USH2A: variants seen among roughly 807,000 people sequenced by gnomAD.
USH2A encodes the protein Usher syndrome 2A (autosomal recessive, mild).
A neutral mutation model predicts 538.9 loss-of-function variants in USH2A; 443 were observed. The ratio of observed to expected loss-of-function variants is 0.82; its 90% CI spans 0.76 to 0.89. The LOEUF (loss-of-function observed/expected upper bound fraction) is 0.89. Among genes scored for constraint, USH2A ranks in the 40% least tolerant of loss-of-function variants. USH2A has a pLI of 0.00. For synonymous variants in USH2A, 2,413 were observed against 2,273.5 expected (o/e 1.06, Z -1.75); for missense variants, 6,633 against 6,324.8 (o/e 1.05, Z -1.65).
chr1:215,641,541 TG>T (rs1372209262), intron 67 of USH2A, among the ~76,000 whole-genome samples: 1 of 152,210 alleles, frequency 6.6e-6, no homozygotes, highest in African/African-American at 2.4e-5. Context: ...GAATAATTTT[TG>T]TGGAAACAAA....
At chr1:216,089,597 A>G (rs2032245030) in intron 22 of USH2A, among the ~76,000 whole-genome samples, 3 of 152,104 alleles carry the variant, frequency 2.0e-5, no homozygotes, top group African/African-American at 7.2e-5. Context: ...AAAATTATCA[A>G]TAACAAATGG....
Position 215,943,312 on chromosome 1 carries a change from C to A in USH2A, c.7121-8517G>T, listed in dbSNP as rs528633634. 2.0e-5 allele frequency among the ~76,000 whole-genome samples: 3 copies of A among 151,970 alleles called. No homozygotes were observed. The South Asian group carries it at 6.2e-4, about 32-fold the overall frequency. ...GATATTGCAGAGACAGAGAAACAAT[C>A]TGGAAATTAAAAAATGCAGTAAGTA... On this transcript the variant is annotated intron_variant, in intron 37 of 71. Transcript: ENST00000307340.
intron 30 of USH2A, among the ~76,000 whole-genome samples, chr1:216,064,500 G>A (rs868225791): frequency 7.0e-6 from 1 of 143,316 alleles, no homozygotes; most frequent in Non-Finnish European, 1.5e-5. Context: ...GCTAGGGATT[G>A]TTTTTTTTTT....
chr1:215,932,601 T>C lies in USH2A; in HGVS notation c.7300+2015A>G, dbSNP rs1485600849. ...ACAACAATCTAATGAAAAAAGAAAG[T>C]ATGTCCTAATGGCCATAATAAACTT... On this transcript the variant is annotated intron_variant, in intron 38 of 71. Coordinates refer to ENST00000307340, the MANE Select transcript of USH2A (RefSeq NM_206933.4). Among the ~76,000 whole-genome samples the C allele has an allele frequency of 2.0e-5, 3 of 152,062 alleles. No homozygotes were observed. The East Asian group carries it at 5.8e-4, about 29-fold the overall frequency.
chr1:216,225,852 G>A (rs1297416841), intron 14 of USH2A, among the ~76,000 whole-genome samples: 4 of 152,084 alleles, frequency 2.6e-5, no homozygotes, highest in Admixed American at 2.0e-4. Context: ...TGAAATGCAC[G>A]AGGGACTTGC....
intron 56 of USH2A, 87 bp downstream of exon 56, chr1:215,766,594 T>C (rs540995519): frequency 1.6e-6 from 2 of 1,244,192 alleles, no homozygotes; most frequent in East Asian, 4.7e-5. Context: ...TGCCTCTTCC[T>C]TATTTGTTAT....
chr1:216,183,543 G>A (rs751297552), intron 20 of USH2A, among the ~76,000 whole-genome samples: 2 of 151,910 alleles, frequency 1.3e-5, no homozygotes, highest in Non-Finnish European at 2.9e-5. Context: ...GGCATATTGA[G>A]CTGACCATAT....
intron 4 of USH2A, among the ~76,000 whole-genome samples, chr1:216,343,644 A>G (rs1459917833): frequency 9.5e-6 from 1 of 104,830 alleles, no homozygotes; most frequent in African/African-American, 2.7e-5. Context: ...CAACCAAAAT[A>G]TGATAACAGC....
intron 43 of USH2A, among the ~76,000 whole-genome samples, chr1:215,867,378 C>A (rs765312205): frequency 1.3e-5 from 2 of 152,166 alleles, no homozygotes; most frequent in Non-Finnish European, 2.9e-5. Context: ...CCAGCATAAA[C>A]CAAAACATCA....
At chr1:216,242,802 CAT>C (rs1156531862) in intron 13 of USH2A, among the ~76,000 whole-genome samples, 1 of 152,080 alleles carries the variant, frequency 6.6e-6, no homozygotes, top group Non-Finnish European at 1.5e-5. Flanking sequence ...AAGAAAGAAA[CAT>C]AATTGAGTAG....
intron 4 of USH2A, among the ~76,000 whole-genome samples, chr1:216,336,442 G>C (rs902080122): frequency 2.6e-5 from 4 of 151,092 alleles, no homozygotes; most frequent in Non-Finnish European, 5.9e-5. Context: ...TTTCCATATT[G>C]AAAAAGTAGA....
At chr1:215,710,277 A>C (rs1659302375) in intron 61 of USH2A, among the ~76,000 whole-genome samples, 2 of 152,198 alleles carry the variant, frequency 1.3e-5, no homozygotes, top group South Asian at 4.1e-4. Context: ...ATGAAAGATG[A>C]GGGCTGCCCA....
At chr1:216,100,324 C>A (rs566836908) in intron 21 of USH2A, among the ~76,000 whole-genome samples, 2 of 152,098 alleles carry the variant, frequency 1.3e-5, no homozygotes, top group Non-Finnish European at 2.9e-5. Context: ...AATTAATTAT[C>A]AGGGTAGACC....
chr1:216,415,523 T>TTTTTTTTTTTG (rs2039563187), intron 3 of USH2A, among the ~76,000 whole-genome samples: 1 of 148,006 alleles, frequency 6.8e-6, no homozygotes, highest in African/African-American at 2.5e-5. Flanking sequence ...TTTTTTTTTT[T>TTTTTTTTTTTG]TTTTTTTTTT....
At chr1:215,783,130 G>C (rs1211010697) in intron 52 of USH2A, among the ~76,000 whole-genome samples, 195 bp from the exon 53 acceptor site, 1 of 151,886 alleles carries the variant, frequency 6.6e-6, no homozygotes, top group Non-Finnish European at 1.5e-5. Flanking sequence ...TAGATGCAGG[G>C]ATACGGAATT....
chr1:215,889,627 C>T lies in USH2A; in HGVS notation c.7595-573G>A, dbSNP rs556107127. 3.9e-5 allele frequency among the ~76,000 whole-genome samples: 6 copies of T among 152,170 alleles called. No homozygotes were observed. In the South Asian group the frequency reaches 1.0e-3, roughly 26 times the overall value. ...TTACTGTGGCTGTGACAGAAGCTGC[C>T]GATTTAGCTCTTTCACCTACTGATA... On this transcript the variant is annotated intron_variant, in intron 40 of 71. Coordinates refer to ENST00000307340, the MANE Select transcript of USH2A (RefSeq NM_206933.4).
chr1:215,757,210 A>G (rs1013433883), intron 58 of USH2A, among the ~76,000 whole-genome samples: 1 of 152,204 alleles, frequency 6.6e-6, no homozygotes, highest in African/African-American at 2.4e-5. Flanking sequence ...TGTACATTTA[A>G]TATCTTAGAG....
intron 35 of USH2A, among the ~76,000 whole-genome samples, chr1:215,971,347 C>A (rs1375506879): frequency 6.6e-6 from 1 of 152,154 alleles, no homozygotes; most frequent in African/African-American, 2.4e-5. Flanking sequence ...AAGGGCATCT[C>A]TTTATATGAC....
intron 64 of USH2A, among the ~76,000 whole-genome samples, chr1:215,659,958 A>T (rs896566344): frequency 6.6e-6 from 1 of 152,218 alleles, no homozygotes; most frequent in African/African-American, 2.4e-5. Flanking sequence ...CATCTATCCC[A>T]CAGGACTATT....
Sources: gnomAD v4.1 joint callset for allele counts (sites outside exome capture counted in the v4.1 genomes callset) on GRCh38, gnomAD v4.1.1 for gene constraint, MANE v1.5 for transcripts, NCBI Gene and HGNC (gene_info 2026-07-23, HGNC 2026-07-21) for gene names.